The following ADK variants were observed in gnomAD, a reference collection of about 807,000 sequenced individuals.
ADK encodes adenosine kinase.
ADK carries 24 observed loss-of-function variants against 44.7 expected under a neutral mutation model. The observed-to-expected ratio is 0.54, with a 90% CI of 0.39 to 0.76. The LOEUF (loss-of-function observed/expected upper bound fraction) is 0.76, where lower values mean the gene tolerates loss of function less well. Among genes scored for constraint, ADK ranks in the 30% least tolerant of loss-of-function variants. The pLI, the probability that ADK is intolerant of heterozygous loss-of-function variation, is 0.00. For synonymous variants in ADK, 128 were observed against 142.6 expected, an observed-to-expected ratio of 0.90 and a Z score of 0.73; for missense variants, 321 against 425.1, an observed-to-expected ratio of 0.76 and a Z score of 2.15.
chr10:74,679,062 G>C (rs1397588718), intron 10 of ADK, among the ~76,000 whole-genome samples: 2 of 152,212 alleles, frequency 1.3e-5, no homozygotes, highest in Non-Finnish European at 2.9e-5. Context: ...GCCTTAGAGT[G>C]TTGAGAGATT....
chr10:74,482,059 G>T lies in ADK; in HGVS notation c.556-43197G>T, dbSNP rs1284647570. On this transcript the variant is annotated intron_variant, in intron 6 of 10. Transcript: ENST00000539909. ...TTTTGGTTATTTAAACAAATTTTAA[G>T]TCTGTTGTTAAAAATGTCAGTCTTA... 2.0e-5 allele frequency among the ~76,000 whole-genome samples: 3 copies of T among 152,286 alleles called. No homozygotes were observed. In the East Asian group the frequency reaches 5.8e-4, roughly 29 times the overall value.
At chr10:74,239,783 A>G (rs560088964) in intron 3 of ADK, among the ~76,000 whole-genome samples, 9 of 151,762 alleles carry the variant, frequency 5.9e-5, no homozygotes, top group Admixed American at 5.3e-4. Context: ...GGAAAAAACA[A>G]AATAGGCTGT....
intron 6 of ADK, among the ~76,000 whole-genome samples, chr10:74,452,150 A>G (rs1177508538): frequency 6.6e-6 from 1 of 152,012 alleles, no homozygotes; most frequent in Non-Finnish European, 1.5e-5. Context: ...AACAGAGAAA[A>G]TAGGCTTGAT....
chr10:74,482,646 CA>C (rs1409106351), intron 6 of ADK, among the ~76,000 whole-genome samples: 5 of 152,128 alleles, frequency 3.3e-5, no homozygotes, highest in African/African-American at 1.2e-4. Context: ...CTGTAAAATA[CA>C]GTTAGTTACT....
intron 1 of ADK, among the ~76,000 whole-genome samples, chr10:74,164,575 T>C (rs1841986627): frequency 6.6e-6 from 1 of 151,476 alleles, no homozygotes; most frequent in African/African-American, 2.4e-5. Flanking sequence ...GGGAGGGGAG[T>C]GTAGGTTCTT....
intron 3 of ADK, among the ~76,000 whole-genome samples, chr10:74,255,428 A>G (rs1162421801): frequency 6.6e-6 from 1 of 152,152 alleles, no homozygotes; most frequent in Non-Finnish European, 1.5e-5. Context: ...TTAAGGACAC[A>G]GGGTATAATT....
intron 6 of ADK, among the ~76,000 whole-genome samples, chr10:74,474,561 C>G (rs1046748075): frequency 4.6e-5 from 7 of 150,916 alleles, no homozygotes; most frequent in Non-Finnish European, 1.0e-4. Context: ...TCTCCCTCCC[C>G]TCCCCTCATT....
At chr10:74,570,590 G>C (rs1850916211) in intron 7 of ADK, among the ~76,000 whole-genome samples, 1 of 152,126 alleles carries the variant, frequency 6.6e-6, no homozygotes, top group Non-Finnish European at 1.5e-5. Flanking sequence ...GGCTCTGTTT[G>C]TCTGTTATTG....
intron 6 of ADK, among the ~76,000 whole-genome samples, chr10:74,444,031 G>A (rs1462200864): frequency 2.0e-5 from 3 of 152,002 alleles, no homozygotes; most frequent in African/African-American, 7.3e-5. Context: ...TCATACCAGA[G>A]CTTTATAGAT....
chr10:74,190,236 TCAA>T (rs1842913864), intron 1 of ADK, among the ~76,000 whole-genome samples: 2 of 152,236 alleles, frequency 1.3e-5, no homozygotes, highest in African/African-American at 4.8e-5. Context: ...CACATTCTTG[TCAA>T]TACTTGTTAC....
chr10:74,284,008 G>T (rs1464583848), intron 3 of ADK, among the ~76,000 whole-genome samples: 1 of 151,498 alleles, frequency 6.6e-6, no homozygotes, highest in Non-Finnish European at 1.5e-5. Flanking sequence ...GCCCAGGCTG[G>T]AGTGCAATGG....
chr10:74,373,621 C>T (rs1257931391), intron 4 of ADK, among the ~76,000 whole-genome samples: 16 of 152,088 alleles, frequency 1.1e-4, no homozygotes, highest in Admixed American at 1.0e-3. Flanking sequence ...AATGAGATAC[C>T]ATTTCACTCC....
intron 6 of ADK, among the ~76,000 whole-genome samples, chr10:74,408,008 C>T (rs1844012856): frequency 6.6e-6 from 1 of 151,484 alleles, no homozygotes; most frequent in Non-Finnish European, 1.5e-5. Context: ...GAATTTGAGT[C>T]TCAGTCTGTT....
chr10:74,164,799 A>G (rs1434892957), intron 1 of ADK, among the ~76,000 whole-genome samples: 1 of 152,216 alleles, frequency 6.6e-6, no homozygotes, highest in Non-Finnish European at 1.5e-5. Flanking sequence ...AAAAAACACC[A>G]CATCAGAGAC....
At chr10:74,302,127 T>TTTTTTTTTTTTTTG (rs1840074713) in intron 3 of ADK, among the ~76,000 whole-genome samples, 2 of 99,664 alleles carry the variant, frequency 2.0e-5, no homozygotes, top group African/African-American at 8.6e-5. Flanking sequence ...TTTTTTTTTT[T>TTTTTTTTTTTTTTG]TTTTTTTTTT....
intron 8 of ADK, among the ~76,000 whole-genome samples, chr10:74,593,840 T>C (rs911984508): frequency 6.6e-6 from 1 of 152,180 alleles, no homozygotes; most frequent in African/African-American, 2.4e-5. Context: ...CTTTATCCAG[T>C]CTATCATTGA....
intron 4 of ADK, among the ~76,000 whole-genome samples, chr10:74,316,533 C>T (rs967107640): frequency 5.3e-5 from 8 of 152,190 alleles, no homozygotes; most frequent in African/African-American, 1.9e-4. Context: ...GCTCTTACCC[C>T]TTTGCTCGGC....
intron 9 of ADK, among the ~76,000 whole-genome samples, chr10:74,632,678 T>C (rs1323019579): frequency 6.6e-6 from 1 of 152,160 alleles, no homozygotes; most frequent in African/African-American, 2.4e-5. Flanking sequence ...TGACCTCATC[T>C]TAACTAATTA....
At chr10:74,454,289 G>A (rs1461424913) in intron 6 of ADK, among the ~76,000 whole-genome samples, 1 of 152,078 alleles carries the variant, frequency 6.6e-6, no homozygotes, top group African/African-American at 2.4e-5. Flanking sequence ...AATGATCACT[G>A]GAGAGGATTT....
Sources: gnomAD v4.1 joint callset for allele counts (sites outside exome capture counted in the v4.1 genomes callset) on GRCh38, gnomAD v4.1.1 for gene constraint, MANE v1.5 for transcripts, NCBI Gene and HGNC (gene_info 2026-07-23, HGNC 2026-07-21) for gene names.